Variants in RBL1 observed in about 807,000 individuals in gnomAD.
RBL1 encodes the protein retinoblastoma-like protein 1.
In RBL1, 82 loss-of-function variants were observed where a neutral mutation model predicts 123.0. The ratio of observed to expected loss-of-function variants is 0.67; its 90% CI spans 0.56 to 0.80. The LOEUF is 0.80. Among genes scored for constraint, RBL1 ranks in the 30% least tolerant of loss-of-function variants. The pLI is 0.00. For missense variants in RBL1, 1,171 were observed against 1,299.6 expected, an observed-to-expected ratio of 0.90 and a Z score of 1.52; for synonymous variants, 405 against 441.3, an observed-to-expected ratio of 0.92 and a Z score of 1.03.
Position 37,018,278 on chromosome 20 carries a change from C to G in RBL1, c.2722+1G>C. 6.2e-7 allele frequency: 1 copy of G among 1,606,674 alleles called. No individual in the cohort carries two copies. The highest frequency in any genetic ancestry group is 1.7e-5 in the Admixed American group (1 of 58,302). ...ATAATATGTTAAATTGGATAACTTA[C>G]CACAATCTATCATTTCAAAGTCATC... On this transcript the variant is annotated splice_donor_variant, in intron 19 of 21. Transcript: ENST00000373664. LOFTEE classifies it high-confidence loss of function.
chr20:37,013,155 G>A (rs990522534), intron 19 of RBL1, among the ~76,000 whole-genome samples: 2 of 152,278 alleles, frequency 1.3e-5, no homozygotes, highest in Non-Finnish European at 2.9e-5. Context: ...AGGGGGGAAA[G>A]GTGGGGAAAA....
In RBL1 at chr20:37,057,004, T is replaced by TAC. The variant is rs2065020656; in HGVS notation, c.1251-747_1251-746insGT. On this transcript the variant is annotated intron_variant, in intron 9 of 21. Coordinates refer to ENST00000373664, the MANE Select transcript of RBL1 (RefSeq NM_002895.5). Reference sequence around the variant, plus strand: ...ATCTCTATTTCTTTCTATCTATCTATCTACCTACCTACCTACCTACCTACC... The same window carrying TAC: ...ATCTCTATTTCTTTCTATCTATCTATACCTACCTACCTACCTACCTACCTACC... 2.9e-3 allele frequency among the ~76,000 whole-genome samples: 421 copies of TAC among 147,600 alleles called. 2 individuals are homozygous for TAC. Among genetic ancestry groups the TAC allele is most frequent in the East Asian group, 0.013 (65 of 4,864 alleles).
intron 14 of RBL1, among the ~76,000 whole-genome samples, chr20:37,038,846 G>A (rs928993146): frequency 1.3e-5 from 2 of 150,146 alleles, no homozygotes; most frequent in South Asian, 2.1e-4. Context: ...CAGGTGATCC[G>A]CCTGCCTTGG....
At chr20:37,001,542 TAAACAGATGCTTGA>T (rs2063980606) in intron 21 of RBL1, among the ~76,000 whole-genome samples, 1 of 151,764 alleles carries the variant, frequency 6.6e-6, no homozygotes, top group African/African-American at 2.4e-5. Context: ...TGTGCTTTGT[TAAACAGATGCTTGA>T]AGGCAGCATG....
chr20:37,036,626 CTTT>C (rs11340151), intron 14 of RBL1, among the ~76,000 whole-genome samples: 7 of 107,836 alleles, frequency 6.5e-5, no homozygotes, highest in Non-Finnish European at 7.2e-5. Flanking sequence ...ATTTTCTTTT[CTTT>C]TTTTTTTTTT....
At chr20:37,040,488 G>A (rs2064704222) in intron 13 of RBL1, among the ~76,000 whole-genome samples, 1 of 152,024 alleles carries the variant, frequency 6.6e-6, no homozygotes, top group African/African-American at 2.4e-5. Context: ...GAGTAGCTGG[G>A]ACTACAGGTG....
chr20:37,033,988 G>C (rs895126954), intron 15 of RBL1, among the ~76,000 whole-genome samples: 1 of 150,754 alleles, frequency 6.6e-6, no homozygotes, highest in Non-Finnish European at 1.5e-5. Flanking sequence ...GTCCTGGCTG[G>C]AGTACAGTAG....
chr20:37,009,898 A>G (rs1279838614), intron 19 of RBL1, among the ~76,000 whole-genome samples: 1 of 151,950 alleles, frequency 6.6e-6, no homozygotes, highest in Non-Finnish European at 1.5e-5. Context: ...GGTGGCATGC[A>G]CCTTTAGCCC....
chr20:36,998,013 C>T lies in RBL1; in HGVS notation c.*746G>A, dbSNP rs371786602. 57 of 152,044 alleles carry T rather than the reference C, an allele frequency of 3.7e-4. No individual in the cohort carries two copies. Among genetic ancestry groups the T allele is most frequent in the African/African-American group, 9.9e-4 (41 of 41,474 alleles). 9.4% of individuals were successfully genotyped at this position (152,044 alleles called of 1,614,324 possible). A position where few individuals can be genotyped will look rare whatever the true frequency, so the allele number is the denominator to read the frequency against. ...GACAGGATGGTATATAACCCTCTGG[C>T]CAGGTACTATGGGAACCAACCCCTT... On this transcript the variant is annotated 3_prime_UTR_variant, in exon 22 of 22. Coordinates refer to ENST00000373664, the MANE Select transcript of RBL1 (RefSeq NM_002895.5).
intron 1 of RBL1, among the ~76,000 whole-genome samples, chr20:37,095,312 G>A (rs1455528037): frequency 6.6e-6 from 1 of 152,120 alleles, no homozygotes; most frequent in East Asian, 1.9e-4. Flanking sequence ...GTGTGACCTT[G>A]GGCCTGTAGC....
At chr20:37,056,418 G>A (rs544200541) in intron 9 of RBL1, among the ~76,000 whole-genome samples, 160 bp from the exon 10 acceptor site, 124 of 145,408 alleles carry the variant, frequency 8.5e-4, no homozygotes, top group African/African-American at 3.1e-3. Flanking sequence ...GCAGTGGTGC[G>A]ATCTCAGTTC....
chr20:37,068,492 A>T (rs1488243786), intron 2 of RBL1, among the ~76,000 whole-genome samples: 2 of 151,910 alleles, frequency 1.3e-5, no homozygotes, highest in Non-Finnish European at 2.9e-5. Flanking sequence ...TCTTACATGA[A>T]CAAAGAACAA....
intron 15 of RBL1, among the ~76,000 whole-genome samples, chr20:37,033,404 C>T (rs6017081): frequency 0.6 from 90,921 of 151,460 alleles, 28,294 homozygotes; most frequent in African/African-American, 0.78. Context: ...AGGATGGTCT[C>T]GATCTCCTGA....
intron 20 of RBL1, among the ~76,000 whole-genome samples, chr20:37,005,894 C>CTTTTTTTTTTTTTTTTTTTTT (rs1013303071): frequency 1.0e-5 from 1 of 98,142 alleles, no homozygotes; most frequent in Non-Finnish European, 1.9e-5. Flanking sequence ...TTTTTTCTTT[C>CTTTTTTTTTTTTTTTTTTTTT]TTTTTTTTTT....
At chr20:37,080,836 TG>T (rs2065437452) in intron 2 of RBL1, among the ~76,000 whole-genome samples, 1 of 152,154 alleles carries the variant, frequency 6.6e-6, no homozygotes, top group African/African-American at 2.4e-5. Context: ...GAATAGTGAG[TG>T]GCCACCTAGG....
intron 16 of RBL1, 105 bp downstream of exon 16, chr20:37,032,558 TTG>T (rs1211575757): frequency 6.6e-7 from 1 of 1,504,238 alleles, no homozygotes; most frequent in Non-Finnish European, 8.9e-7. Flanking sequence ...ATGGTAAATT[TTG>T]TGTTATGTAT....
At chr20:37,013,379 G>A (rs962750992) in intron 19 of RBL1, among the ~76,000 whole-genome samples, 2 of 151,438 alleles carry the variant, frequency 1.3e-5, no homozygotes, top group Non-Finnish European at 2.9e-5. Flanking sequence ...TTAAACAGAT[G>A]CTTGAAGGCA....
At chr20:37,037,988 GTTTTTT>G (rs57647591) in intron 14 of RBL1, among the ~76,000 whole-genome samples, 1 of 83,598 alleles carries the variant, frequency 1.2e-5, no homozygotes, top group East Asian at 3.1e-4. Context: ...CCCGGCCATT[GTTTTTT>G]TTTTTTTTTT....
chr20:37,067,318 CT>C (rs1568875236), intron 3 of RBL1, 21 bp from the exon 4 acceptor site: 1 of 1,560,354 alleles, frequency 6.4e-7, no homozygotes, highest in Non-Finnish European at 8.7e-7. Context: ...AAAAAAATTA[CT>C]TTTTGTCTGA....
Sources: gnomAD v4.1 joint callset for allele counts (sites outside exome capture counted in the v4.1 genomes callset) on GRCh38, gnomAD v4.1.1 for gene constraint, MANE v1.5 for transcripts, NCBI Gene and HGNC (gene_info 2026-07-23, HGNC 2026-07-21) for gene names.